The following FGF14 variants were observed in gnomAD, a reference collection of about 807,000 sequenced individuals.
The protein encoded by FGF14 is fibroblast growth factor 14, also known as fibroblast growth factor homologous factor 4.
Under a neutral mutation model 25.5 loss-of-function variants are expected in FGF14, and 5 were observed. The observed-to-expected ratio is 0.20, with a 90% CI of 0.10 to 0.41. The LOEUF (loss-of-function observed/expected upper bound fraction) is 0.41. Ranked by LOEUF, FGF14 falls within the 10% of genes least tolerant of loss-of-function variation. The probability of loss-of-function intolerance (pLI) is 1.00; values close to 1 mark genes in which losing one functional copy is unlikely to be tolerated. For missense variants in FGF14, 222 were observed against 320.1 expected, an observed-to-expected ratio of 0.69 and a Z score of 2.34; for synonymous variants, 138 against 118.3, an observed-to-expected ratio of 1.17 and a Z score of -1.08.
chr13:101,831,009 T>C (rs929782736), intron 3 of FGF14, among the ~76,000 whole-genome samples: 1 of 152,094 alleles, frequency 6.6e-6, no homozygotes, highest in African/African-American at 2.4e-5. Flanking sequence ...ACCTGCATAA[T>C]TCAGGCTAAT....
intron 1 of FGF14, among the ~76,000 whole-genome samples, chr13:101,982,702 G>C (rs763793560): frequency 6.6e-5 from 10 of 152,122 alleles, no homozygotes; most frequent in Non-Finnish European, 1.3e-4. Context: ...TCCTCGTTTT[G>C]CCTGAAGTAC....
chr13:102,035,592 C>T (rs140879218), intron 1 of FGF14, among the ~76,000 whole-genome samples: 2 of 152,280 alleles, frequency 1.3e-5, no homozygotes, highest in East Asian at 3.9e-4. Flanking sequence ...AAATGCATTG[C>T]ATTGCTAACT....
chr13:102,324,944 AT>A (rs2056374891), intron 1 of FGF14, among the ~76,000 whole-genome samples: 1 of 152,162 alleles, frequency 6.6e-6, no homozygotes, highest in Non-Finnish European at 1.5e-5. Flanking sequence ...AATTTTGCAA[AT>A]GTTAAAGGTG....
intron 3 of FGF14, among the ~76,000 whole-genome samples, chr13:101,727,131 G>A (rs1307731681): frequency 6.6e-6 from 1 of 152,056 alleles, no homozygotes; most frequent in African/African-American, 2.4e-5. Context: ...AGTAGCATCA[G>A]ATATTCACAA....
chr13:101,955,336 C>G (rs1427328252), intron 1 of FGF14, among the ~76,000 whole-genome samples: 1 of 152,210 alleles, frequency 6.6e-6, no homozygotes, highest in Non-Finnish European at 1.5e-5. Flanking sequence ...TTCAATGATT[C>G]TCACAACCAG....
At chr13:102,019,426 C>A (rs2040516905) in intron 1 of FGF14, among the ~76,000 whole-genome samples, 1 of 152,118 alleles carries the variant, frequency 6.6e-6, no homozygotes, top group Admixed American at 6.6e-5. Context: ...CGCTCGAGAG[C>A]ATCTCCAGTG....
chr13:101,779,620 ACACATGAAT>A (rs1323647814), intron 3 of FGF14, among the ~76,000 whole-genome samples: 1 of 152,234 alleles, frequency 6.6e-6, no homozygotes, highest in African/African-American at 2.4e-5. Flanking sequence ...CAGATAAAAG[ACACATGAAT>A]CAATGCATTT....
chr13:102,306,175 T>A (rs562337914), intron 1 of FGF14, among the ~76,000 whole-genome samples: 1 of 152,190 alleles, frequency 6.6e-6, no homozygotes, highest in Non-Finnish European at 1.5e-5. Context: ...TTTTGGCCAA[T>A]AGATCACTAC....
chr13:101,790,908 C>A (rs758764711), intron 3 of FGF14, among the ~76,000 whole-genome samples: 1 of 152,106 alleles, frequency 6.6e-6, no homozygotes, highest in Non-Finnish European at 1.5e-5. Context: ...CCAACTATAA[C>A]GTGAATTTGG....
intron 1 of FGF14, among the ~76,000 whole-genome samples, chr13:101,962,790 T>C (rs1314412742): frequency 6.6e-6 from 1 of 152,212 alleles, no homozygotes; most frequent in Non-Finnish European, 1.5e-5. Flanking sequence ...CACAATAATT[T>C]AGAGTACTGC....
At chr13:102,160,716 A>T (rs1242495675) in intron 1 of FGF14, among the ~76,000 whole-genome samples, 1 of 152,072 alleles carries the variant, frequency 6.6e-6, no homozygotes, top group East Asian at 1.9e-4. Context: ...TCAGCAAACC[A>T]AAAGTCCCTA....
chr13:102,190,176 G>C (rs1004183317), intron 1 of FGF14, among the ~76,000 whole-genome samples: 1 of 152,132 alleles, frequency 6.6e-6, no homozygotes, highest in African/African-American at 2.4e-5. Context: ...GTTGTTTCCA[G>C]CAACCTTCCC....
chr13:102,161,676 GAAGAA>G (rs2047755469), intron 1 of FGF14, among the ~76,000 whole-genome samples: 2 of 56,954 alleles, frequency 3.5e-5, no homozygotes, highest in African/African-American at 5.6e-5. Context: ...AGAAGAAGAA[GAAGAA>G]GAAGAAGAAG....
chr13:102,209,307 A>G (rs1362922770), intron 1 of FGF14, among the ~76,000 whole-genome samples: 1 of 152,234 alleles, frequency 6.6e-6, no homozygotes, highest in Non-Finnish European at 1.5e-5. Flanking sequence ...CCAGAAGGAG[A>G]CATCCTAGGC....
rs987122267 is a variant in FGF14, at chr13:101,721,153, A to G, written c.*1678T>C. 12 of 151,688 alleles carry G rather than the reference A, an allele frequency of 7.9e-5. No individual in the cohort carries two copies. The highest frequency in any genetic ancestry group is 1.9e-4 in the African/African-American group (8 of 41,418). The allele number at this position is 151,688 out of a possible 1,614,324, so 9.4% of individuals were successfully genotyped here. A position where few individuals can be genotyped will look rare whatever the true frequency, so the allele number is the denominator to read the frequency against. On this transcript the variant is annotated 3_prime_UTR_variant, in exon 5 of 5. Coordinates refer to ENST00000376143, the MANE Select transcript of FGF14 (RefSeq NM_004115.4). ...ATAAATGAGGTTCAGTTTGGTCTCA[A>G]TGAACTCTTCTGAGAAGAAAACATT...
chr13:101,780,213 A>G (rs2039404339), intron 3 of FGF14, among the ~76,000 whole-genome samples: 1 of 152,176 alleles, frequency 6.6e-6, no homozygotes, highest in Admixed American at 6.5e-5. Context: ...GGATTGATAG[A>G]ACTGCCAGTA....
chr13:102,019,965 C>A (rs1245277702), intron 1 of FGF14, among the ~76,000 whole-genome samples: 1 of 152,110 alleles, frequency 6.6e-6, no homozygotes, highest in Non-Finnish European at 1.5e-5. Flanking sequence ...TTGTCAGGTG[C>A]TTGCCTACAG....
At chr13:101,841,999 GT>G (rs1195965206) in intron 3 of FGF14, among the ~76,000 whole-genome samples, 2 of 151,872 alleles carry the variant, frequency 1.3e-5, no homozygotes, top group African/African-American at 4.8e-5. Flanking sequence ...ATAATTAAAT[GT>G]ATTCAGTTTT....
At chr13:101,940,802 A>G (rs1349175846) in intron 1 of FGF14, among the ~76,000 whole-genome samples, 1 of 152,142 alleles carries the variant, frequency 6.6e-6, no homozygotes, top group African/African-American at 2.4e-5. Context: ...GGTTTTGTTC[A>G]TTGCTCTATT....
Sources: allele counts gnomAD v4.1 joint callset (sites outside exome capture counted in the v4.1 genomes callset), GRCh38; gene constraint gnomAD v4.1.1; transcripts MANE v1.5; gene names NCBI Gene and HGNC (gene_info 2026-07-23, HGNC 2026-07-21).